The following AADACL2 variants were observed in gnomAD, a reference collection of about 807,000 sequenced individuals.
AADACL2 encodes the protein arylacetamide deacetylase-like 2.
Under a neutral mutation model 22.3 loss-of-function variants are expected in AADACL2, and 23 were observed. The observed-to-expected ratio is 1.03, with a 90% CI of 0.74 to 1.46. The LOEUF is 1.46. Ranked by LOEUF, AADACL2 falls within the 40% of genes most tolerant of loss-of-function variation. The pLI is 0.00. For missense variants in AADACL2, 472 were observed against 482.9 expected, an observed-to-expected ratio of 0.98 and a Z score of 0.21; for synonymous variants, 177 against 166.2, an observed-to-expected ratio of 1.07 and a Z score of -0.50.
chr3:151,746,549 T>C (rs1713453926), intron 4 of AADACL2, among the ~76,000 whole-genome samples: 1 of 151,978 alleles, frequency 6.6e-6, no homozygotes, highest in Admixed American at 6.6e-5. Flanking sequence ...TTTTCAATAT[T>C]TCATCAATAA....
intron 4 of AADACL2, among the ~76,000 whole-genome samples, chr3:151,748,799 A>T (rs78443694): frequency 0.047 from 7,216 of 152,214 alleles, 576 homozygotes; most frequent in African/African-American, 0.16. Context: ...TGAGATAAAA[A>T]TTTTTTAATA....
At chr3:151,745,210 A>G (rs1713399762) in intron 3 of AADACL2, among the ~76,000 whole-genome samples, 1 of 152,194 alleles carries the variant, frequency 6.6e-6, no homozygotes. Context: ...GATGTAAGCT[A>G]TACACCATCT....
intron 4 of AADACL2, among the ~76,000 whole-genome samples, 167 bp from the exon 5 acceptor site, chr3:151,756,825 A>AT (rs552154853): frequency 6.6e-6 from 1 of 151,558 alleles, no homozygotes; most frequent in African/African-American, 2.4e-5. Context: ...ATTGGTTTGA[A>AT]TTTTTTTATG....
At chr3:151,752,455 C>T (rs924498969) in intron 4 of AADACL2, among the ~76,000 whole-genome samples, 1 of 152,128 alleles carries the variant, frequency 6.6e-6, no homozygotes, top group African/African-American at 2.4e-5. Flanking sequence ...TGCTAGATTT[C>T]CTGGCAACAT....
chr3:151,752,994 T>TA (rs769140871), intron 4 of AADACL2, among the ~76,000 whole-genome samples: 1 of 152,162 alleles, frequency 6.6e-6, no homozygotes, highest in Non-Finnish European at 1.5e-5. Context: ...TTTAAAAATA[T>TA]AAAAAACTCT....
chr3:151,760,504 A>G lies in AADACL2; in HGVS notation c.*2910A>G, dbSNP rs1321298565. The G allele has an allele frequency of 6.6e-6, 1 of 152,366 alleles. No individual in the cohort carries two copies. The highest frequency in any genetic ancestry group is 1.9e-4 in the East Asian group (1 of 5,192). The allele number at this position is 152,366 out of a possible 1,614,324, so 9.4% of individuals were successfully genotyped here. A position where few individuals can be genotyped will look rare whatever the true frequency, so the allele number is the denominator to read the frequency against. On this transcript the variant is annotated 3_prime_UTR_variant, in exon 5 of 5. Transcript: ENST00000356517. Reference sequence around the variant, plus strand: ...ACAGAAGAAATTCTTGACTTCATCTATCCGAATTTCTACAAGTCATCTGTT... The same window carrying G: ...ACAGAAGAAATTCTTGACTTCATCTGTCCGAATTTCTACAAGTCATCTGTT...
chr3:151,743,165 T>C (rs1322801664), intron 2 of AADACL2, among the ~76,000 whole-genome samples: 1 of 148,468 alleles, frequency 6.7e-6, no homozygotes, highest in Non-Finnish European at 1.5e-5. Flanking sequence ...TAAAACATTA[T>C]TTTTTTCTAT....
In AADACL2 at chr3:151,757,711, T is replaced by A; in HGVS notation, c.*117T>A. On this transcript the variant is annotated 3_prime_UTR_variant, in exon 5 of 5. Coordinates refer to ENST00000356517, the MANE Select transcript of AADACL2 (RefSeq NM_207365.4). ...TCTAAATCTACATTTGCAACATTTGTAGCAGTTAATGTGTGTCCTTGAAGA... is the reference window on the plus strand; with the variant it reads ...TCTAAATCTACATTTGCAACATTTGAAGCAGTTAATGTGTGTCCTTGAAGA... 1 of 1,297,602 alleles carries A rather than the reference T, an allele frequency of 7.7e-7. No homozygotes were observed. Among genetic ancestry groups the A allele is most frequent in the Non-Finnish European group, 1.1e-6 (1 of 951,492 alleles). The allele number at this position is 1,297,602 out of a possible 1,614,324, so 80.4% of individuals were successfully genotyped here. A position where few individuals can be genotyped will look rare whatever the true frequency, so the allele number is the denominator to read the frequency against.
rs1181461641 is a variant in AADACL2, at chr3:151,757,144, A to G, written c.756A>G (p.Leu252=). Residue 252 remains leucine, a synonymous_variant, in exon 5 of 5, where the codon TTA becomes TTG. Coordinates refer to ENST00000356517, the MANE Select transcript of AADACL2 (RefSeq NM_207365.4). ...TRDVAIKLVS[L]YFTKDEALPW... ...ATGTAGCCATAAAACTCGTGAGCTTATATTTCACCAAGGATGAAGCACTTC... is the reference window on the plus strand; with the variant it reads ...ATGTAGCCATAAAACTCGTGAGCTTGTATTTCACCAAGGATGAAGCACTTC... 1.2e-5 allele frequency: 20 copies of G among 1,613,440 alleles called. No individual in the cohort carries two copies. Among genetic ancestry groups the G allele is most frequent in the Middle Eastern group, 1.6e-4 (1 of 6,084 alleles).
At chr3:151,749,051 T>G (rs55737210) in intron 4 of AADACL2, among the ~76,000 whole-genome samples, 26,256 of 152,180 alleles carry the variant, frequency 0.17, 2,347 homozygotes, top group East Asian at 0.27. Context: ...CATATTAATT[T>G]TCTATTTCTG....
At position 151,761,149 on chromosome 3, in the gene AADACL2, A is replaced by ATATATATATGGTGAGATATATATT. The variant is rs1418721681; in HGVS notation, c.*3578_*3601dup. 187 of 93,170 alleles carry ATATATATATGGTGAGATATATATT rather than the reference A, an allele frequency of 2.0e-3. 1 individual carries two copies. Among genetic ancestry groups the ATATATATATGGTGAGATATATATT allele is most frequent in the Non-Finnish European group, 3.1e-3 (147 of 47,608 alleles). The allele number at this position is 93,170 out of a possible 1,614,324, so 5.8% of individuals were successfully genotyped here. A position where few individuals can be genotyped will look rare whatever the true frequency, so the allele number is the denominator to read the frequency against. ...TATATATTTATATATGGTGAGATAT[A>ATATATATATGGTGAGATATATATT]TATATATATGGTGAGATATATATTT... On this transcript the variant is annotated 3_prime_UTR_variant, in exon 5 of 5. Coordinates refer to ENST00000356517, the MANE Select transcript of AADACL2 (RefSeq NM_207365.4).
At chr3:151,752,107 A>T (rs56189102) in intron 4 of AADACL2, among the ~76,000 whole-genome samples, 1 of 152,094 alleles carries the variant, frequency 6.6e-6, no homozygotes, top group East Asian at 1.9e-4. Context: ...TATGAATTAC[A>T]TATTCATTGA....
At chr3:151,734,555 T>C (rs1713030611) in intron 1 of AADACL2, among the ~76,000 whole-genome samples, 1 of 152,176 alleles carries the variant, frequency 6.6e-6, no homozygotes, top group African/African-American at 2.4e-5. Flanking sequence ...ACATTATTGA[T>C]ATTTGTAACT....
Position 151,734,048 on chromosome 3 carries a change from G to T in AADACL2, c.13G>T (p.Ala5Ser). 6.2e-7 allele frequency: 1 copy of T among 1,611,386 alleles called. No individual in the cohort carries two copies. ...AAAAAGGGATATTATGGGGCTAAAAGCTCTCTGTTTGGGGCTGCTTTGTGT... is the reference window on the plus strand; with the variant it reads ...AAAAAGGGATATTATGGGGCTAAAATCTCTCTGTTTGGGGCTGCTTTGTGT... MGLKALCLGLLCVLF... is the reference protein window; with the variant it reads MGLKSLCLGLLCVLF... The change falls in exon 1 of 5, where the codon GCT (alanine) becomes TCT (serine). Residue 5 changes from alanine (A) to serine (S), a missense_variant. By Grantham distance (99) the Ala-to-Ser change is moderately conservative (BLOSUM62 1). Coordinates refer to ENST00000356517, the MANE Select transcript of AADACL2 (RefSeq NM_207365.4).
At chr3:151,744,515 AG>A in intron 3 of AADACL2, among the ~76,000 whole-genome samples, 1 of 152,284 alleles carries the variant, frequency 6.6e-6, no homozygotes. Flanking sequence ...TGAGCAGGCA[AG>A]AAAAGTTTAA....
chr3:151,753,305 C>T lies in AADACL2; in HGVS notation c.604-3687C>T, dbSNP rs527671352. 5.3e-5 allele frequency among the ~76,000 whole-genome samples: 8 copies of T among 151,682 alleles called. No individual in the cohort carries two copies. In the South Asian group the frequency reaches 1.7e-3, roughly 31 times the overall value. On this transcript the variant is annotated intron_variant, in intron 4 of 4. Transcript: ENST00000356517. Reference sequence around the variant, plus strand: ...AGTGATATAATCTGTTTTACTGTCACACTTTTAGGACATAAAGTGGGAAGT... The same window carrying T: ...AGTGATATAATCTGTTTTACTGTCATACTTTTAGGACATAAAGTGGGAAGT...
Position 151,745,606 on chromosome 3 carries a change from G to T in AADACL2, c.529G>T (p.Gly177Ter), listed in dbSNP as rs1318896578. 1 of 1,613,600 alleles carries T rather than the reference G, an allele frequency of 6.2e-7. No homozygotes were observed. Among genetic ancestry groups the T allele is most frequent in the Non-Finnish European group, 8.5e-7 (1 of 1,179,864 alleles). ...FLLEKILTKY[G>*]VDPTRICIAG... is the part of the protein sequence containing the mutation. ...TTTGGAAAAAATTCTTACAAAATATGGAGTGGATCCCACCCGAATCTGCAT... is the reference window on the plus strand; with the variant it reads ...TTTGGAAAAAATTCTTACAAAATATTGAGTGGATCCCACCCGAATCTGCAT... The change falls in exon 4 of 5, where the codon GGA (glycine) becomes TGA (stop). Residue 177 changes from glycine (G) to a stop codon, truncating the protein, a stop_gained. Transcript: ENST00000356517. LOFTEE classifies it high-confidence loss of function.
rs529557806 is a variant in AADACL2 at position 151,754,782 on chromosome 3, C to G, written c.604-2210C>G. On this transcript the variant is annotated intron_variant, in intron 4 of 4. Transcript: ENST00000356517. ...CAGATATGTTCTCTCAAATTTTGAC[C>G]TTTTACTTTTTCATTCTTGTTCTTT... Among the ~76,000 whole-genome samples, 3 of 152,018 alleles carry G rather than the reference C, an allele frequency of 2.0e-5. No individual in the cohort carries two copies. The East Asian group carries it at 5.8e-4, about 29-fold the overall frequency.
At chr3:151,739,524 T>G (rs925724998) in intron 1 of AADACL2, among the ~76,000 whole-genome samples, 12 of 152,186 alleles carry the variant, frequency 7.9e-5, no homozygotes, top group Non-Finnish European at 1.6e-4. Context: ...GCTCAAGCAC[T>G]GTGCTGGGAG....
Sources: gnomAD v4.1 joint callset for allele counts (sites outside exome capture counted in the v4.1 genomes callset) on GRCh38, gnomAD v4.1.1 for gene constraint, MANE v1.5 for transcripts, NCBI Gene and HGNC (gene_info 2026-07-23, HGNC 2026-07-21) for gene names.